PDLIM1: variants seen among roughly 807,000 people sequenced by gnomAD.
PDLIM1 encodes the protein PDZ and LIM domain 1, also known as PDZ and LIM domain protein 1.
A neutral mutation model predicts 35.2 loss-of-function variants in PDLIM1; 25 were observed. The observed-to-expected ratio is 0.71, with a 90% CI of 0.52 to 0.99. The LOEUF is 0.99. Among genes scored for constraint, PDLIM1 ranks in the 50% least tolerant of loss-of-function variants. PDLIM1 has a pLI of 0.00. For synonymous variants in PDLIM1, 152 were observed against 154.0 expected (o/e 0.99, Z 0.10); for missense variants, 363 against 415.3 (o/e 0.87, Z 1.09).
chr10:95,277,057 C>T (rs1307490630), intron 1 of PDLIM1, among the ~76,000 whole-genome samples: 1 of 151,174 alleles, frequency 6.6e-6, no homozygotes, highest in African/African-American at 2.4e-5. Flanking sequence ...CTACAAAATA[C>T]AAAAAAAATT....
In PDLIM1 at chr10:95,290,196, C is replaced by T. The variant is rs1164392466; in HGVS notation, c.96+624G>A. On this transcript the variant is annotated intron_variant, in intron 1 of 6. Transcript: ENST00000329399. The surrounding 1 kb of genome is among the most constrained non-coding windows in gnomAD (Gnocchi z 4.7). Reference sequence around the variant, plus strand: ...CTGGGAATGCTAGGAAGAATGACGGCGGGGCCACGTTCTGCAGAGGGGAGA... The same window carrying T: ...CTGGGAATGCTAGGAAGAATGACGGTGGGGCCACGTTCTGCAGAGGGGAGA... Among the ~76,000 whole-genome samples the T allele has an allele frequency of 6.6e-6, 1 of 152,132 alleles. No homozygotes were observed. The highest frequency in any genetic ancestry group is 1.5e-5 in the Non-Finnish European group (1 of 68,026).
chr10:95,267,300 G>A (rs1416206706), intron 3 of PDLIM1, among the ~76,000 whole-genome samples: 2 of 152,124 alleles, frequency 1.3e-5, no homozygotes, highest in Non-Finnish European at 2.9e-5. Flanking sequence ...GAGGATTTCA[G>A]ATAGACCAAG....
intron 5 of PDLIM1, among the ~76,000 whole-genome samples, chr10:95,240,532 G>A (rs1447304077): frequency 6.6e-6 from 1 of 152,150 alleles, no homozygotes; most frequent in Admixed American, 6.5e-5. Context: ...TGGAAGAATG[G>A]CTGATGGATG....
At chr10:95,253,393 C>T (rs1392318583) in intron 4 of PDLIM1, among the ~76,000 whole-genome samples, 3 of 151,730 alleles carry the variant, frequency 2.0e-5, no homozygotes, top group South Asian at 2.1e-4. Context: ...TCTAAATAGA[C>T]GAAAAAAAAT....
At chr10:95,249,899 C>T (rs577653991) in intron 4 of PDLIM1, among the ~76,000 whole-genome samples, 85 of 152,284 alleles carry the variant, frequency 5.6e-4, no homozygotes, top group African/African-American at 1.4e-3. Context: ...TCACTCCGGC[C>T]GGCTGCATTT....
intron 1 of PDLIM1, among the ~76,000 whole-genome samples, chr10:95,284,440 G>A (rs748152367): frequency 6.6e-6 from 1 of 151,710 alleles, no homozygotes; most frequent in African/African-American, 2.4e-5. Flanking sequence ...TGCAACCTCC[G>A]CCTCCCAAGT....
intron 4 of PDLIM1, among the ~76,000 whole-genome samples, chr10:95,260,812 G>C (rs1482437004): frequency 6.6e-6 from 1 of 152,368 alleles, no homozygotes; most frequent in Non-Finnish European, 1.5e-5. Flanking sequence ...GTGGGAGGGA[G>C]CGAGCACTTG....
chr10:95,269,958 A>C (rs1006357616), intron 2 of PDLIM1, among the ~76,000 whole-genome samples: 1 of 151,928 alleles, frequency 6.6e-6, no homozygotes, highest in African/African-American at 2.4e-5. Context: ...GCTGGTCTTG[A>C]ACTCCTAACC....
At chr10:95,282,152 C>T (rs897566544) in intron 1 of PDLIM1, among the ~76,000 whole-genome samples, 8 of 152,184 alleles carry the variant, frequency 5.3e-5, no homozygotes, top group Non-Finnish European at 1.0e-4. Flanking sequence ...GCATAATCTC[C>T]GCTGATTTAA....
At chr10:95,279,696 G>C (rs2035543925) in intron 1 of PDLIM1, among the ~76,000 whole-genome samples, 1 of 152,218 alleles carries the variant, frequency 6.6e-6, no homozygotes. Context: ...AAATGGTTTG[G>C]ACTAGGGATT....
chr10:95,288,548 G>A (rs2035621687), intron 1 of PDLIM1, among the ~76,000 whole-genome samples: 1 of 85,236 alleles, frequency 1.2e-5, no homozygotes, highest in African/African-American at 4.6e-5. Flanking sequence ...TATCCCCACT[G>A]CAGAGGTTTT....
intron 4 of PDLIM1, among the ~76,000 whole-genome samples, chr10:95,254,624 C>T (rs950289069): frequency 2.6e-5 from 4 of 152,046 alleles, no homozygotes; most frequent in African/African-American, 9.7e-5. Flanking sequence ...AAAAATTCAA[C>T]AATACTATCA....
At chr10:95,277,035 G>A (rs899144251) in intron 1 of PDLIM1, among the ~76,000 whole-genome samples, 3 of 151,534 alleles carry the variant, frequency 2.0e-5, no homozygotes, top group East Asian at 3.9e-4. Flanking sequence ...GCAACATGGC[G>A]TAACCCTGTC....
intron 5 of PDLIM1, among the ~76,000 whole-genome samples, chr10:95,243,941 G>A (rs1330832541): frequency 1.3e-5 from 2 of 152,064 alleles, no homozygotes; most frequent in Admixed American, 6.6e-5. Context: ...GTTACCAGGA[G>A]CTGGAAGGAG....
intron 5 of PDLIM1, among the ~76,000 whole-genome samples, chr10:95,240,700 C>T (rs1018936991): frequency 5.3e-5 from 8 of 152,154 alleles, no homozygotes; most frequent in Non-Finnish European, 1.2e-4. Context: ...AAATCCACAT[C>T]ACAGATAGAA....
chr10:95,285,536 G>A (rs1414015223), intron 1 of PDLIM1, among the ~76,000 whole-genome samples: 1 of 152,222 alleles, frequency 6.6e-6, no homozygotes, highest in East Asian at 1.9e-4. Context: ...GTCTGACTTT[G>A]TGTTCTGTGT....
chr10:95,275,240 C>A (rs1181047111), intron 1 of PDLIM1, among the ~76,000 whole-genome samples: 1 of 152,230 alleles, frequency 6.6e-6, no homozygotes, highest in Non-Finnish European at 1.5e-5. Flanking sequence ...TCCCTAGCCC[C>A]CTGCCTGCCG....
intron 5 of PDLIM1, among the ~76,000 whole-genome samples, chr10:95,239,434 T>G (rs569607175): frequency 4.7e-4 from 71 of 152,224 alleles, no homozygotes; most frequent in Non-Finnish European, 1.3e-4. Context: ...GCGAGAAAAT[T>G]TTTGCAATCT....
At chr10:95,277,566 C>T (rs2035522781) in intron 1 of PDLIM1, among the ~76,000 whole-genome samples, 1 of 151,970 alleles carries the variant, frequency 6.6e-6, no homozygotes, top group Non-Finnish European at 1.5e-5. Flanking sequence ...TTGCTTGAAC[C>T]CAGGAGGTGG....
Sources: allele counts gnomAD v4.1 joint callset (sites outside exome capture counted in the v4.1 genomes callset), GRCh38; gene constraint gnomAD v4.1.1; non-coding constraint Gnocchi (gnomAD v3.1); transcripts MANE v1.5; gene names NCBI Gene and HGNC (gene_info 2026-07-23, HGNC 2026-07-21).